THSD4: variants seen among roughly 807,000 people sequenced by gnomAD.
THSD4 encodes the protein thrombospondin type-1 domain-containing protein 4.
In THSD4, 69 loss-of-function variants were observed where a neutral mutation model predicts 119.0. The observed-to-expected ratio is 0.58, with a 90% CI of 0.48 to 0.71. The LOEUF is 0.71. Among genes scored for constraint, THSD4 ranks in the 30% least tolerant of loss-of-function variants. The pLI, the probability that THSD4 is intolerant of heterozygous loss-of-function variation, is 0.00. For missense variants in THSD4, 1,393 were observed against 1,391.1 expected, an observed-to-expected ratio of 1.00 and a Z score of -0.02; for synonymous variants, 524 against 540.4, an observed-to-expected ratio of 0.97 and a Z score of 0.42.
intron 16 of THSD4, among the ~76,000 whole-genome samples, chr15:71,765,995 T>C (rs2053711340): frequency 2.6e-5 from 4 of 152,162 alleles, no homozygotes; most frequent in Admixed American, 1.3e-4. Context: ...TCTTTCTTTT[T>C]CCTACTTTTA....
Position 71,737,791 on chromosome 15 carries a change from A to C in THSD4, c.1690A>C (p.Lys564Gln), listed in dbSNP as rs1255046235. ...CAGGAGCCAGGAGGAGGGAGAACAGAAAGGGAGGAACGAGGAGAAGGAAGA... is the reference window on the plus strand; with the variant it reads ...CAGGAGCCAGGAGGAGGGAGAACAGCAAGGGAGGAACGAGGAGAAGGAAGA... ...EGRSQEEGEQ[K>Q]GRNEEKEDLR... Residue 564 changes from lysine to glutamine, a missense_variant, in exon 11 of 18, where the codon AAA becomes CAA. Physicochemically the swap from Lys to Gln is moderately conservative, Grantham distance 53. Transcript: ENST00000261862. The C allele has an allele frequency of 1.9e-6, 3 of 1,614,192 alleles. No homozygotes were observed. The South Asian group carries it at 3.3e-5, about 18-fold the overall frequency.
intron 7 of THSD4, among the ~76,000 whole-genome samples, chr15:71,598,804 G>A: frequency 6.6e-6 from 1 of 151,982 alleles, no homozygotes; most frequent in East Asian, 1.9e-4. Flanking sequence ...TTTTTGTAGA[G>A]ACAGGGTTTC....
chr15:71,614,625 A>G (rs1374172629), intron 7 of THSD4, among the ~76,000 whole-genome samples: 1 of 152,242 alleles, frequency 6.6e-6, no homozygotes, highest in African/African-American at 2.4e-5. Context: ...GTTTCTGAAA[A>G]TAATTAAATC....
chr15:71,256,535 T>A (rs2140288426), intron 5 of THSD4, 78 bp from the exon 6 acceptor site: 1 of 1,039,858 alleles, frequency 9.6e-7, no homozygotes, highest in East Asian at 2.8e-5. Flanking sequence ...GTTGGAAAGG[T>A]ATCCAGGGTT....
intron 7 of THSD4, among the ~76,000 whole-genome samples, chr15:71,538,822 G>A (rs1425385983): frequency 6.6e-6 from 1 of 152,242 alleles, no homozygotes; most frequent in Non-Finnish European, 1.5e-5. Flanking sequence ...TGCATTGTCT[G>A]AACTAGCTCC....
intron 7 of THSD4, among the ~76,000 whole-genome samples, chr15:71,614,949 C>T (rs1376183770): frequency 1.3e-5 from 2 of 152,200 alleles, no homozygotes; most frequent in Non-Finnish European, 2.9e-5. Flanking sequence ...GCATGCTTCC[C>T]TCCACGAGTT....
At chr15:71,293,689 C>T (rs2044824038) in intron 6 of THSD4, among the ~76,000 whole-genome samples, 1 of 152,198 alleles carries the variant, frequency 6.6e-6, no homozygotes, top group Non-Finnish European at 1.5e-5. Context: ...CTCTACTTTT[C>T]TCCAAGTTTG....
At chr15:71,525,827 G>A (rs28424267) in intron 7 of THSD4, among the ~76,000 whole-genome samples, 9,882 of 152,176 alleles carry the variant, frequency 0.065, 1,034 homozygotes, top group African/African-American at 0.22. Flanking sequence ...GGTGAGAGCT[G>A]GTGAGAGCTT....
chr15:71,646,145 C>A (rs1462275287), intron 7 of THSD4, among the ~76,000 whole-genome samples: 1 of 152,228 alleles, frequency 6.6e-6, no homozygotes, highest in East Asian at 1.9e-4. Context: ...GTTACTTAAT[C>A]TCCCTCTTTC....
intron 2 of THSD4, among the ~76,000 whole-genome samples, chr15:71,146,985 C>G (rs1011466771): frequency 2.0e-5 from 3 of 152,152 alleles, no homozygotes; most frequent in African/African-American, 7.2e-5. Flanking sequence ...TGCCAATTAC[C>G]CATTCCTTAT....
At chr15:71,602,488 G>A (rs1416046219) in intron 7 of THSD4, among the ~76,000 whole-genome samples, 1 of 138,896 alleles carries the variant, frequency 7.2e-6, no homozygotes, top group Admixed American at 7.7e-5. Flanking sequence ...GGGAGGCAGA[G>A]GTTGCAGTGA....
chr15:71,348,805 C>T (rs570766846), intron 6 of THSD4, among the ~76,000 whole-genome samples: 7 of 152,170 alleles, frequency 4.6e-5, no homozygotes, highest in Non-Finnish European at 7.3e-5. Context: ...AACTGCATTC[C>T]AACAAGGAGT....
chr15:71,771,004 C>T, intron 16 of THSD4, 60 bp from the exon 17 acceptor site: 1 of 1,572,234 alleles, frequency 6.4e-7, no homozygotes, highest in Non-Finnish European at 8.6e-7. Flanking sequence ...CTTCTTTCTC[C>T]AGTGTGCTGA....
intron 7 of THSD4, among the ~76,000 whole-genome samples, chr15:71,430,401 A>G (rs4777388): frequency 0.07 from 10,728 of 152,266 alleles, 530 homozygotes; most frequent in Admixed American, 0.17. Context: ...GATTTATTAT[A>G]TAGGCACTTT....
chr15:71,587,673 A>C lies in THSD4; in HGVS notation c.1153-72857A>C, dbSNP rs532017563. ...AGCATTGGGAGATATACCTAAGGCT[A>C]GATGACGAGTTAGTGGGTGCAGCGC... On this transcript the variant is annotated intron_variant, in intron 7 of 17. Transcript: ENST00000261862. Among the ~76,000 whole-genome samples the C allele has an allele frequency of 1.5e-4, 21 of 137,306 alleles. No individual in the cohort carries two copies. The East Asian group carries it at 4.1e-3, about 27-fold the overall frequency. The allele number at this position is 137,306 out of a possible 152,430, so 90.1% of individuals were successfully genotyped here.
intron 1 of THSD4, among the ~76,000 whole-genome samples, chr15:71,136,840 G>A (rs1205851479): frequency 3.9e-5 from 6 of 152,102 alleles, no homozygotes; most frequent in Non-Finnish European, 8.8e-5. Context: ...CTCAGAGGTG[G>A]GCCTGTGTGT....
chr15:71,491,439 C>T (rs1303503642), intron 7 of THSD4, among the ~76,000 whole-genome samples: 1 of 152,172 alleles, frequency 6.6e-6, no homozygotes, highest in Non-Finnish European at 1.5e-5. Context: ...AGAGAGAGAC[C>T]TAAGCTAGCA....
At chr15:71,347,969 A>C (rs1364581300) in intron 6 of THSD4, among the ~76,000 whole-genome samples, 1 of 152,192 alleles carries the variant, frequency 6.6e-6, no homozygotes, top group Non-Finnish European at 1.5e-5. Flanking sequence ...CTGCATACTC[A>C]TTCCCAATAC....
intron 8 of THSD4, among the ~76,000 whole-genome samples, chr15:71,702,406 A>G (rs1225144211): frequency 1.3e-5 from 2 of 151,982 alleles, no homozygotes; most frequent in Non-Finnish European, 2.9e-5. Flanking sequence ...CTTTTGTTCA[A>G]TCCTAACATT....
Sources: allele counts gnomAD v4.1 joint callset (sites outside exome capture counted in the v4.1 genomes callset), GRCh38; gene constraint gnomAD v4.1.1; transcripts MANE v1.5; gene names NCBI Gene and HGNC (gene_info 2026-07-23, HGNC 2026-07-21).